The following RORA variants were observed in gnomAD, a reference collection of about 807,000 sequenced individuals.
The protein encoded by RORA is RAR related orphan receptor A, also known as nuclear receptor ROR-alpha.
In RORA, 7 loss-of-function variants were observed where a neutral mutation model predicts 69.5. That is an observed-to-expected ratio of 0.10 (90% CI 0.06 to 0.19). The LOEUF is 0.19. Ranked by LOEUF, RORA falls within the 10% of genes least tolerant of loss-of-function variation. The pLI is 1.00. For missense variants in RORA, 457 were observed against 663.0 expected (o/e 0.69, Z 3.41); for synonymous variants, 261 against 240.8 (o/e 1.08, Z -0.78).
chr15:61,052,777 G>A (rs1384667868), intron 1 of RORA, among the ~76,000 whole-genome samples: 1 of 152,142 alleles, frequency 6.6e-6, no homozygotes, highest in Non-Finnish European at 1.5e-5. Context: ...CAGAAAAGAG[G>A]TACAAAGAGA....
intron 1 of RORA, among the ~76,000 whole-genome samples, chr15:61,035,794 C>T (rs1008527151): frequency 1.2e-4 from 19 of 152,164 alleles, no homozygotes; most frequent in African/African-American, 4.6e-4. Context: ...CAAACAGAAG[C>T]ATTTCTAAGC....
intron 1 of RORA, among the ~76,000 whole-genome samples, chr15:60,841,350 T>G (rs2073195069): frequency 6.6e-6 from 1 of 152,206 alleles, no homozygotes; most frequent in Non-Finnish European, 1.5e-5. Flanking sequence ...AGCCACAATT[T>G]GGATCGTCCT....
chr15:60,871,660 A>G (rs2073557563), intron 1 of RORA, among the ~76,000 whole-genome samples: 2 of 152,214 alleles, frequency 1.3e-5, no homozygotes, highest in African/African-American at 4.8e-5. Flanking sequence ...TTTCCCTTTT[A>G]CAGAACTGGC....
chr15:61,199,150 AC>A, intron 1 of RORA, among the ~76,000 whole-genome samples: 1 of 152,030 alleles, frequency 6.6e-6, no homozygotes, highest in East Asian at 1.9e-4. Context: ...TTTTAATTTA[AC>A]CCTAAATTAA....
chr15:60,990,612 G>A (rs894121816), intron 1 of RORA, among the ~76,000 whole-genome samples: 3 of 152,012 alleles, frequency 2.0e-5, no homozygotes, highest in African/African-American at 4.8e-5. Context: ...TTGGGTTCTC[G>A]GAATGAGGCA....
chr15:61,163,681 G>C (rs1203442125), intron 1 of RORA, among the ~76,000 whole-genome samples: 1 of 152,202 alleles, frequency 6.6e-6, no homozygotes, highest in Non-Finnish European at 1.5e-5. Context: ...CACAGCTGCT[G>C]ATCTGCTCAG....
At chr15:60,946,847 C>A (rs1266198518) in intron 1 of RORA, among the ~76,000 whole-genome samples, 1 of 151,710 alleles carries the variant, frequency 6.6e-6, no homozygotes, top group Non-Finnish European at 1.5e-5. Flanking sequence ...GGCCGCCCAT[C>A]GTCTGAGATG....
At chr15:61,059,932 GAACA>G (rs748747176) in intron 1 of RORA, among the ~76,000 whole-genome samples, 3 of 100,574 alleles carry the variant, frequency 3.0e-5, no homozygotes, top group African/African-American at 1.1e-4. Flanking sequence ...AGAAGAAGAA[GAACA>G]AGAAGAAGAA....
At chr15:61,155,118 GAAATGAC>G (rs2079431252) in intron 1 of RORA, among the ~76,000 whole-genome samples, 1 of 152,164 alleles carries the variant, frequency 6.6e-6, no homozygotes, top group Non-Finnish European at 1.5e-5. Context: ...TCACCACAAA[GAAATGAC>G]AAATGTTTAA....
At chr15:61,083,311 T>G (rs1386573000) in intron 1 of RORA, among the ~76,000 whole-genome samples, 2 of 152,110 alleles carry the variant, frequency 1.3e-5, no homozygotes, top group Admixed American at 6.5e-5. Context: ...GAATCCAAAG[T>G]GCAAGATTAA....
intron 3 of RORA, among the ~76,000 whole-genome samples, chr15:60,515,945 ATATTTATATATT>A (rs1386082616): frequency 4.0e-4 from 5 of 12,444 alleles, no homozygotes; most frequent in Middle Eastern, 0.036. Flanking sequence ...ATATTTATAT[ATATTTATATATT>A]TATATTTATA....
At chr15:60,998,989 G>C (rs1317383733) in intron 1 of RORA, among the ~76,000 whole-genome samples, 2 of 152,122 alleles carry the variant, frequency 1.3e-5, no homozygotes, top group African/African-American at 4.8e-5. Context: ...AACTGGAGTG[G>C]TTGCCAGGGG....
At chr15:61,097,440 C>T (rs1219817139) in intron 1 of RORA, among the ~76,000 whole-genome samples, 4 of 152,122 alleles carry the variant, frequency 2.6e-5, no homozygotes, top group African/African-American at 4.8e-5. Flanking sequence ...CCTCTCCTCC[C>T]TCCCTTCACA....
intron 1 of RORA, among the ~76,000 whole-genome samples, chr15:60,738,796 C>T (rs2071536169): frequency 6.6e-6 from 1 of 152,216 alleles, no homozygotes; most frequent in Admixed American, 6.5e-5. Context: ...GCTGGAAGGC[C>T]AAGATCAGGT....
At chr15:61,012,336 C>A (rs1211295161) in intron 1 of RORA, among the ~76,000 whole-genome samples, 1 of 152,198 alleles carries the variant, frequency 6.6e-6, no homozygotes, top group East Asian at 1.9e-4. Flanking sequence ...GTACAGTAAT[C>A]TTTGCTGACA....
At chr15:60,672,220 G>GGT (rs2070484259) in intron 2 of RORA, among the ~76,000 whole-genome samples, 1 of 152,142 alleles carries the variant, frequency 6.6e-6, no homozygotes, top group Non-Finnish European at 1.5e-5. Context: ...AGCCTATGGA[G>GGT]GTAGCATAGT....
intron 3 of RORA, among the ~76,000 whole-genome samples, chr15:60,515,931 A>ATT (rs2065859828): frequency 5.4e-5 from 1 of 18,498 alleles, no homozygotes; most frequent in African/African-American, 2.8e-4. Flanking sequence ...ATATATTTAT[A>ATT]TATATATTTA....
chr15:60,691,782 C>A (rs945014310), intron 1 of RORA, among the ~76,000 whole-genome samples: 2 of 152,222 alleles, frequency 1.3e-5, no homozygotes, highest in Non-Finnish European at 2.9e-5. Flanking sequence ...GAGCTGAACA[C>A]AGGGCATGCA....
At chr15:60,819,865 C>G (rs2072870914) in intron 1 of RORA, among the ~76,000 whole-genome samples, 1 of 151,950 alleles carries the variant, frequency 6.6e-6, no homozygotes, top group African/African-American at 2.4e-5. Context: ...ACCCTGCATC[C>G]CAATCAGGCA....
Sources: gnomAD v4.1 joint callset for allele counts (sites outside exome capture counted in the v4.1 genomes callset) on GRCh38, gnomAD v4.1.1 for gene constraint, MANE v1.5 for transcripts, NCBI Gene and HGNC (gene_info 2026-07-23, HGNC 2026-07-21) for gene names.